Variants in TXNDC11 observed in about 807,000 individuals in gnomAD.
TXNDC11 encodes thioredoxin domain containing 11.
A neutral mutation model predicts 78.0 loss-of-function variants in TXNDC11; 68 were observed. The observed-to-expected ratio is 0.87, with a 90% CI of 0.72 to 1.07. TXNDC11 has a LOEUF of 1.07. Among genes scored for constraint, TXNDC11 ranks in the 50% least tolerant of loss-of-function variants. TXNDC11 has a pLI of 0.00. For missense variants in TXNDC11, 1,389 were observed against 1,221.8 expected, an observed-to-expected ratio of 1.14 and a Z score of -2.04; for synonymous variants, 571 against 495.2, an observed-to-expected ratio of 1.15 and a Z score of -2.03.
chr16:11,714,449 C>T (rs765631744), intron 5 of TXNDC11, among the ~76,000 whole-genome samples: 2 of 152,060 alleles, frequency 1.3e-5, no homozygotes, highest in Non-Finnish European at 2.9e-5. Flanking sequence ...ACGATGCTGG[C>T]GAAAACGGTG....
chr16:11,738,290 C>T (rs1029712469), intron 1 of TXNDC11, among the ~76,000 whole-genome samples: 2 of 152,138 alleles, frequency 1.3e-5, no homozygotes, highest in African/African-American at 4.8e-5. Context: ...ATATTTTAAC[C>T]TTCAATCAGA....
chr16:11,706,826 G>C (rs979914235), intron 5 of TXNDC11, among the ~76,000 whole-genome samples: 6 of 152,158 alleles, frequency 3.9e-5, no homozygotes, highest in Non-Finnish European at 5.9e-5. Flanking sequence ...TTTGGTTTTG[G>C]ACAACGTTTT....
At chr16:11,697,042 A>T (rs2050877886) in intron 7 of TXNDC11, among the ~76,000 whole-genome samples, 1 of 152,250 alleles carries the variant, frequency 6.6e-6, no homozygotes, top group Admixed American at 6.5e-5. Context: ...CTCAGTTCAC[A>T]AAATATCCAT....
rs371472278 is a variant in TXNDC11 at position 11,687,823 on chromosome 16, A to G, written c.2153+34T>C. 9 of 1,435,204 alleles carry G rather than the reference A, an allele frequency of 6.3e-6. No individual in the cohort carries two copies. In the African/African-American group the frequency reaches 8.4e-5, roughly 13 times the overall value. The allele number at this position is 1,435,204 out of a possible 1,614,324, so 88.9% of individuals were successfully genotyped here. A position where few individuals can be genotyped will look rare whatever the true frequency, so the allele number is the denominator to read the frequency against. On this transcript the variant is annotated intron_variant, in intron 10 of 11. Transcript: ENST00000283033. ...TGCAAATAAGAGTGAAAATGGGCAT[A>G]CAGCCCAAAGCGCTGCAGAAGAGGC...
chr16:11,679,990 G>A lies in TXNDC11; in HGVS notation c.2235-153C>T, dbSNP rs1021442035. The stretch of plus-strand genomic sequence containing the variant: ...TGAAAGTAAGGAAAATGTTGCCTGG[G>A]CAAGAAATTCTCTACAAAGCTGAGG... On this transcript the variant is annotated intron_variant, in intron 11 of 11. Coordinates refer to ENST00000283033, the MANE Select transcript of TXNDC11 (RefSeq NM_015914.7). This position sits in a 1 kb window ranked among gnomAD's most constrained non-coding sequence, Gnocchi z 4.6. 1.3e-5 allele frequency among the ~76,000 whole-genome samples: 2 copies of A among 152,238 alleles called. No homozygotes were observed. Among genetic ancestry groups the A allele is most frequent in the Admixed American group, 6.5e-5 (1 of 15,286 alleles).
chr16:11,683,744 G>A (rs1056711189), intron 11 of TXNDC11, among the ~76,000 whole-genome samples: 5 of 145,536 alleles, frequency 3.4e-5, no homozygotes, highest in African/African-American at 1.3e-4. Context: ...TGTCCCTAAG[G>A]ACACTTTTTT....
chr16:11,735,408 T>C (rs968219758), intron 2 of TXNDC11, among the ~76,000 whole-genome samples: 6 of 152,236 alleles, frequency 3.9e-5, no homozygotes, highest in African/African-American at 1.4e-4. Context: ...CATTAGATTA[T>C]TTTGAAATTA....
intron 9 of TXNDC11, 105 bp downstream of exon 9, chr16:11,688,198 T>C: frequency 2.3e-6 from 3 of 1,277,576 alleles, no homozygotes; most frequent in Non-Finnish European, 3.3e-6. Context: ...ATCACGTGGT[T>C]ACTCTTCTAT....
chr16:11,690,228 T>C (rs2050672346), intron 8 of TXNDC11: 2 of 152,228 alleles, frequency 1.3e-5, no homozygotes, highest in Admixed American at 6.5e-5. Context: ...TCTCACTTCA[T>C]TGTGTGTAGT....
rs999683451 is a variant in TXNDC11 at position 11,742,688 on chromosome 16, C to G, written c.43G>C (p.Glu15Gln). Residue 15 changes from glutamate (E) to glutamine (Q), a missense_variant, in exon 1 of 12, where the codon GAG becomes CAG. By Grantham distance (29) the Glu-to-Gln change is conservative (BLOSUM62 2). Coordinates refer to ENST00000283033, the MANE Select transcript of TXNDC11 (RefSeq NM_015914.7). ...CCCCCTCCCTCGTCCTCGGCGTCCT[C>G]GCTGCTGCTGCTGCCGCCGCCGCGG... ...GGRGGGSSSS[E>Q]DAEDEGGGGG... 2 of 1,477,958 alleles carry G rather than the reference C, an allele frequency of 1.4e-6. No homozygotes were observed. The highest frequency in any genetic ancestry group is 1.3e-5 in the South Asian group (1 of 77,190). 91.6% of individuals were successfully genotyped at this position (1,477,958 alleles called of 1,614,324 possible).
chr16:11,707,105 TG>T (rs773256949), intron 5 of TXNDC11, among the ~76,000 whole-genome samples: 4 of 152,214 alleles, frequency 2.6e-5, no homozygotes, highest in Non-Finnish European at 4.4e-5. Context: ...TAGTATCATA[TG>T]ACTTAAATTT....
Position 11,692,023 on chromosome 16 carries a change from G to A in TXNDC11, c.1167C>T (p.Leu389=). 1 of 1,559,466 alleles carries A rather than the reference G, an allele frequency of 6.4e-7. No individual in the cohort carries two copies. Among genetic ancestry groups the A allele is most frequent in the Non-Finnish European group, 8.7e-7 (1 of 1,152,672 alleles). ...NCHGDQVVER[L]LQHLRRVDAP... ...CATCCACCCGCCGCAGGTGCTGAAG[G>A]AGACGCTCCACCACCTGGTCCCCAT... Residue 389 remains leucine, a synonymous_variant, in exon 8 of 12, where the codon CTC becomes CTT. Coordinates refer to ENST00000283033, the MANE Select transcript of TXNDC11 (RefSeq NM_015914.7).
At chr16:11,742,336 G>C (rs2052425116) in intron 1 of TXNDC11, 141 bp downstream of exon 1, 2 of 608,160 alleles carry the variant, frequency 3.3e-6, no homozygotes, top group African/African-American at 1.9e-5. Flanking sequence ...CGTGGCCGCA[G>C]GTTCCGGGAG....
chr16:11,742,724 C>G lies in TXNDC11; in HGVS notation c.7G>C (p.Glu3Gln). 6.7e-7 allele frequency: 1 copy of G among 1,483,342 alleles called. No individual in the cohort carries two copies. The highest frequency in any genetic ancestry group is 8.9e-7 in the Non-Finnish European group (1 of 1,126,730). The allele number at this position is 1,483,342 out of a possible 1,614,324, so 91.9% of individuals were successfully genotyped here. ...CTGCCGCCGCCGCGGCCTCCGCATT[C>G]CGACATTACATGCTCCCAGTCGCCG... MS[E>Q]CGGRGGGSSS... is the part of the protein sequence containing the mutation. The change falls in exon 1 of 12, where the codon GAA becomes CAA. Residue 3 changes from glutamate to glutamine, a missense_variant. By Grantham distance (29) the Glu-to-Gln change is conservative. Transcript: ENST00000283033.
chr16:11,701,956 T>A (rs973703071), intron 5 of TXNDC11, among the ~76,000 whole-genome samples: 1 of 150,004 alleles, frequency 6.7e-6, no homozygotes, highest in African/African-American at 2.5e-5. Flanking sequence ...CTGCAAATGT[T>A]AAAAACAATG....
chr16:11,735,664 T>C (rs763533851), intron 2 of TXNDC11, among the ~76,000 whole-genome samples: 2 of 152,188 alleles, frequency 1.3e-5, no homozygotes, highest in Non-Finnish European at 2.9e-5. Flanking sequence ...ATATCATACA[T>C]ACATTTTCTT....
At chr16:11,703,697 G>A in intron 5 of TXNDC11, 4 of 702,528 alleles carry the variant, frequency 5.7e-6, no homozygotes, top group Non-Finnish European at 1.0e-5. Context: ...GTTTCTAAAT[G>A]CCATTCTCCA....
chr16:11,719,631 T>C (rs1043367210), intron 5 of TXNDC11, among the ~76,000 whole-genome samples: 2 of 152,152 alleles, frequency 1.3e-5, no homozygotes, highest in Non-Finnish European at 1.5e-5. Context: ...GGTAATAGGG[T>C]CATTAATGTG....
chr16:11,697,069 A>G (rs981270791), intron 7 of TXNDC11, among the ~76,000 whole-genome samples: 2 of 152,270 alleles, frequency 1.3e-5, no homozygotes, highest in Non-Finnish European at 2.9e-5. Flanking sequence ...AAAATTTTCT[A>G]AAGAAATAGT....
Sources: allele counts gnomAD v4.1 joint callset (sites outside exome capture counted in the v4.1 genomes callset), GRCh38; gene constraint gnomAD v4.1.1; non-coding constraint Gnocchi (gnomAD v3.1); transcripts MANE v1.5; gene names NCBI Gene and HGNC (gene_info 2026-07-23, HGNC 2026-07-21).